Variants in TRERF1 observed in about 807,000 individuals in gnomAD.
TRERF1 encodes the protein transcriptional regulating factor 1.
In TRERF1, 27 loss-of-function variants were observed where a neutral mutation model predicts 122.9. The ratio of observed to expected loss-of-function variants is 0.22; its 90% CI spans 0.16 to 0.30. The LOEUF is 0.30. TRERF1 is among the 10% of genes least tolerant of loss of function. The pLI, the probability that TRERF1 is intolerant of heterozygous loss-of-function variation, is 1.00. For missense variants in TRERF1, 1,248 were observed against 1,560.3 expected (o/e 0.80, Z 3.37); for synonymous variants, 636 against 641.7 (o/e 0.99, Z 0.13).
At chr6:42,420,003 A>T (rs994361508) in intron 2 of TRERF1, among the ~76,000 whole-genome samples, 1 of 152,246 alleles carries the variant, frequency 6.6e-6, no homozygotes, top group Non-Finnish European at 1.5e-5. Flanking sequence ...CAATGAAATT[A>T]GCATTAGAAG....
chr6:42,268,004 G>T lies in TRERF1; in HGVS notation c.1437+150C>A. ...TTTTGTATTCCAAGTGCTTGGCACA[G>T]ACAGTGCGTGACACATGTAGGTTAA... On this transcript the variant is annotated intron_variant, in intron 5 of 17. Coordinates refer to ENST00000372922, the Ensembl canonical transcript of TRERF1. The surrounding 1 kb of genome is among the most constrained non-coding windows in gnomAD (Gnocchi z 4.4). 1.0e-6 allele frequency: 1 copy of T among 962,106 alleles called. No individual in the cohort carries two copies. Among genetic ancestry groups the T allele is most frequent in the Non-Finnish European group, 1.4e-6 (1 of 713,610 alleles). 59.6% of individuals were successfully genotyped at this position (962,106 alleles called of 1,614,324 possible). A position where few individuals can be genotyped will look rare whatever the true frequency, so the allele number is the denominator to read the frequency against.
chr6:42,325,828 T>C (rs1029706112), intron 3 of TRERF1, among the ~76,000 whole-genome samples: 1 of 152,222 alleles, frequency 6.6e-6, no homozygotes, highest in African/African-American at 2.4e-5. Context: ...TGAGCTGTGA[T>C]AGCACCACTG....
intron 2 of TRERF1, among the ~76,000 whole-genome samples, chr6:42,416,517 C>T (rs1280063693): frequency 6.6e-6 from 1 of 152,124 alleles, no homozygotes; most frequent in Non-Finnish European, 1.5e-5. Context: ...CTAAAGTTAA[C>T]CTATCCTTAC....
At chr6:42,281,267 C>T (rs906886255) in intron 4 of TRERF1, among the ~76,000 whole-genome samples, 1 of 152,158 alleles carries the variant, frequency 6.6e-6, no homozygotes, top group Non-Finnish European at 1.5e-5. Context: ...AGAAATGCGG[C>T]CCCGGAGCCT....
chr6:42,374,294 G>A (rs1562088636), intron 2 of TRERF1, among the ~76,000 whole-genome samples: 1 of 152,178 alleles, frequency 6.6e-6, no homozygotes, highest in Non-Finnish European at 1.5e-5. Context: ...TATCAGCTGG[G>A]CTCTCTGGGC....
chr6:42,411,923 G>T (rs745406834), intron 2 of TRERF1, among the ~76,000 whole-genome samples: 10 of 151,964 alleles, frequency 6.6e-5, no homozygotes, highest in South Asian at 4.1e-4. Context: ...GGCTTCTGCA[G>T]ACACCGTGGA....
chr6:42,380,802 C>T (rs914658802), intron 2 of TRERF1, among the ~76,000 whole-genome samples: 6 of 152,200 alleles, frequency 3.9e-5, no homozygotes, highest in South Asian at 2.1e-4. Context: ...AGCCTTTGCA[C>T]GGGCTCCAGG....
intron 4 of TRERF1, among the ~76,000 whole-genome samples, chr6:42,287,292 T>TAAAA (rs1187993828): frequency 1.2e-4 from 15 of 124,436 alleles, no homozygotes; most frequent in Middle Eastern, 3.8e-3. Flanking sequence ...TAAAGTATAA[T>TAAAA]AAAAAAAAAA....
chr6:42,390,453 A>G (rs1212640125), intron 2 of TRERF1, among the ~76,000 whole-genome samples: 1 of 152,182 alleles, frequency 6.6e-6, no homozygotes, highest in Non-Finnish European at 1.5e-5. Flanking sequence ...AAAAAGAAAA[A>G]AAAAGGTCAA....
chr6:42,351,590 TG>T (rs1769458625), intron 3 of TRERF1, among the ~76,000 whole-genome samples: 1 of 152,242 alleles, frequency 6.6e-6, no homozygotes, highest in Non-Finnish European at 1.5e-5. Context: ...CAGTATCTTC[TG>T]GCAGATTCAG....
chr6:42,428,498 C>A (rs1456060874), intron 2 of TRERF1, among the ~76,000 whole-genome samples: 2 of 152,148 alleles, frequency 1.3e-5, no homozygotes, highest in African/African-American at 2.4e-5. Context: ...GAGGGTGAAA[C>A]CCCAGGTCTC....
chr6:42,418,266 C>CTTTTT (rs60655151), intron 2 of TRERF1, among the ~76,000 whole-genome samples: 13 of 37,012 alleles, frequency 3.5e-4, no homozygotes, highest in African/African-American at 6.1e-4. Flanking sequence ...TTCTTTCTTT[C>CTTTTT]TTTTTTTTTT....
intron 2 of TRERF1, among the ~76,000 whole-genome samples, chr6:42,428,446 A>G (rs1312326446): frequency 6.6e-6 from 1 of 152,230 alleles, no homozygotes. Context: ...TTGCTACTTT[A>G]TTAGCAGATG....
In TRERF1 at chr6:42,266,505, A is replaced by G. The variant is rs775344519; in HGVS notation, c.1438-708T>C. The stretch of plus-strand genomic sequence containing the variant: ...TATCTGGCCCTGGAATTCTTCTTAA[A>G]AAGCCTTAGCCAAATCATCTCATTC... On this transcript the variant is annotated intron_variant, in intron 5 of 17. Coordinates refer to ENST00000372922, the Ensembl canonical transcript of TRERF1. Among the ~76,000 whole-genome samples, 164 of 152,168 alleles carry G rather than the reference A, an allele frequency of 1.1e-3. 1 individual carries two copies. Among genetic ancestry groups the G allele is most frequent in the Middle Eastern group, 6.4e-3 (2 of 314 alleles).
chr6:42,438,530 A>G (rs1053293359), intron 2 of TRERF1, among the ~76,000 whole-genome samples: 2 of 151,468 alleles, frequency 1.3e-5, no homozygotes, highest in African/African-American at 4.9e-5. Context: ...GAATTGCTTG[A>G]ATCTGGGAGG....
chr6:42,262,453 AGAGAGAGAGAGAG>A, intron 8 of TRERF1, among the ~76,000 whole-genome samples: 1 of 21,320 alleles, frequency 4.7e-5, no homozygotes, highest in Non-Finnish European at 1.0e-4. Flanking sequence ...AGAGAGAGAG[AGAGAGAGAGAGAG>A]GAGAGAGAGA....
chr6:42,336,346 A>G (rs1330807760), intron 3 of TRERF1, among the ~76,000 whole-genome samples: 1 of 151,990 alleles, frequency 6.6e-6, no homozygotes, highest in Non-Finnish European at 1.5e-5. Flanking sequence ...ACCATCCCCG[A>G]CCATCATGCC....
intron 3 of TRERF1, among the ~76,000 whole-genome samples, chr6:42,336,295 T>C (rs1766154110): frequency 6.6e-6 from 1 of 152,136 alleles, no homozygotes; most frequent in Non-Finnish European, 1.5e-5. Flanking sequence ...TGTTCTTCTT[T>C]CTTGTCCTTT....
intron 2 of TRERF1, among the ~76,000 whole-genome samples, chr6:42,405,214 C>T (rs1779989415): frequency 6.6e-6 from 1 of 152,108 alleles, no homozygotes; most frequent in Admixed American, 6.5e-5. Flanking sequence ...AGTTAAGGAC[C>T]ATCCCAGCTG....
Sources: allele counts gnomAD v4.1 joint callset (sites outside exome capture counted in the v4.1 genomes callset), GRCh38; gene constraint gnomAD v4.1.1; non-coding constraint Gnocchi (gnomAD v3.1); transcripts MANE v1.5; gene names NCBI Gene and HGNC (gene_info 2026-07-23, HGNC 2026-07-21).